Variants in ROBO2 observed in about 807,000 individuals in gnomAD.
ROBO2 encodes the protein roundabout guidance receptor 2, also known as roundabout homolog 2.
A neutral mutation model predicts 160.8 loss-of-function variants in ROBO2; 53 were observed. That is an observed-to-expected ratio of 0.33 (90% CI 0.26 to 0.41). The LOEUF is 0.41. Ranked by LOEUF, ROBO2 falls within the 10% of genes least tolerant of loss-of-function variation. The pLI is 1.00. For missense variants in ROBO2, 1,577 were observed against 1,722.4 expected, an observed-to-expected ratio of 0.92 and a Z score of 1.49; for synonymous variants, 664 against 611.7, an observed-to-expected ratio of 1.09 and a Z score of -1.26.
At position 76,226,765 on chromosome 3, in the gene ROBO2, C is replaced by T. The variant is rs1176501760; in HGVS notation, c.109+289163C>T. On this transcript the variant is annotated intron_variant, in intron 2 of 26. Transcript: ENST00000487694. ...GTGAACAAACCACTTGCCCTAGGCC[C>T]TAATAACTTTGAAAAGCAATCTGAG... Among the ~76,000 whole-genome samples the T allele has an allele frequency of 2.0e-5, 3 of 152,176 alleles. No homozygotes were observed. In the East Asian group the frequency reaches 5.8e-4, roughly 29 times the overall value.
At chr3:76,302,689 T>C (rs528490419) in intron 2 of ROBO2, among the ~76,000 whole-genome samples, 3 of 152,098 alleles carry the variant, frequency 2.0e-5, no homozygotes, top group Non-Finnish European at 4.4e-5. Flanking sequence ...GGTGTACAGA[T>C]TTGTAACCTA....
intron 2 of ROBO2, among the ~76,000 whole-genome samples, chr3:76,489,274 T>C (rs1004110573): frequency 3.3e-5 from 5 of 151,836 alleles, no homozygotes; most frequent in African/African-American, 1.2e-4. Context: ...ACTCTGTTCA[T>C]TGCTGAAATG....
At chr3:76,648,690 A>G (rs1011785941) in intron 2 of ROBO2, among the ~76,000 whole-genome samples, 2 of 152,132 alleles carry the variant, frequency 1.3e-5, no homozygotes, top group African/African-American at 4.8e-5. Flanking sequence ...TCAGGTATCA[A>G]TGATTGACGA....
intron 2 of ROBO2, among the ~76,000 whole-genome samples, chr3:76,748,397 A>G (rs1286088571): frequency 6.6e-6 from 1 of 151,732 alleles, no homozygotes; most frequent in Non-Finnish European, 1.5e-5. Context: ...TAAAAATCAC[A>G]AAAAATATGA....
intron 2 of ROBO2, among the ~76,000 whole-genome samples, chr3:76,662,380 G>A (rs565319186): frequency 1.3e-5 from 2 of 151,940 alleles, no homozygotes; most frequent in Admixed American, 6.6e-5. Flanking sequence ...TATTTATGGG[G>A]TACATATGAT....
At chr3:77,332,513 T>TA (rs2066074942) in intron 2 of ROBO2, among the ~76,000 whole-genome samples, 1 of 152,230 alleles carries the variant, frequency 6.6e-6, no homozygotes, top group Admixed American at 6.5e-5. Context: ...AACTCATAGT[T>TA]ATGTATGTAA....
At chr3:76,058,891 C>T (rs2067961094) in intron 2 of ROBO2, among the ~76,000 whole-genome samples, 1 of 145,970 alleles carries the variant, frequency 6.9e-6, no homozygotes, top group Admixed American at 7.1e-5. Flanking sequence ...TGAGTGAGAA[C>T]ATGTGGTGTT....
intron 2 of ROBO2, among the ~76,000 whole-genome samples, chr3:76,103,652 A>G (rs149582627): frequency 6.6e-6 from 1 of 152,230 alleles, no homozygotes; most frequent in Non-Finnish European, 1.5e-5. Context: ...TGGGAAGCTT[A>G]GGAGAAAGGG....
At chr3:76,180,003 C>T (rs924551590) in intron 2 of ROBO2, among the ~76,000 whole-genome samples, 1 of 152,072 alleles carries the variant, frequency 6.6e-6, no homozygotes, top group East Asian at 1.9e-4. Flanking sequence ...TTCGTCCGTG[C>T]CATTGCTTCT....
At chr3:76,330,035 AT>A (rs1477389139) in intron 2 of ROBO2, among the ~76,000 whole-genome samples, 1 of 152,194 alleles carries the variant, frequency 6.6e-6, no homozygotes, top group Non-Finnish European at 1.5e-5. Context: ...TTGTGTGAAC[AT>A]TTTACTGTAT....
chr3:76,835,301 C>T (rs1486976798), intron 2 of ROBO2, among the ~76,000 whole-genome samples: 1 of 150,324 alleles, frequency 6.7e-6, no homozygotes, highest in African/African-American at 2.4e-5. Flanking sequence ...TTTTATATGA[C>T]ACATACAATG....
At chr3:77,161,616 C>A (rs2078494811) in intron 2 of ROBO2, among the ~76,000 whole-genome samples, 2 of 152,042 alleles carry the variant, frequency 1.3e-5, no homozygotes, top group South Asian at 4.1e-4. Flanking sequence ...TGAAATATAG[C>A]CCAGAGATAT....
chr3:77,404,246 A>G (rs1479604448), intron 2 of ROBO2, among the ~76,000 whole-genome samples: 1 of 152,122 alleles, frequency 6.6e-6, no homozygotes, highest in Non-Finnish European at 1.5e-5. Flanking sequence ...CCCTCTATAT[A>G]AACATTAAGT....
chr3:76,146,712 G>T (rs865876762), intron 2 of ROBO2, among the ~76,000 whole-genome samples: 19 of 149,830 alleles, frequency 1.3e-4, no homozygotes, highest in Admixed American at 6.0e-4. Context: ...GTGTGTGTGT[G>T]TGTGTGTGTG....
intron 2 of ROBO2, among the ~76,000 whole-genome samples, chr3:76,259,050 AT>A (rs1281836869): frequency 2.6e-5 from 4 of 152,112 alleles, no homozygotes; most frequent in Non-Finnish European, 5.9e-5. Flanking sequence ...ACTGAGTATT[AT>A]TTTTGTAAAA....
intron 2 of ROBO2, among the ~76,000 whole-genome samples, chr3:77,128,804 C>T (rs2075585561): frequency 1.3e-5 from 2 of 152,124 alleles, no homozygotes; most frequent in African/African-American, 4.8e-5. Context: ...TTGTGCTCAA[C>T]CTTGGTTATT....
intron 7 of ROBO2, 68 bp from the exon 9 acceptor site, chr3:77,550,750 T>C: frequency 6.7e-7 from 1 of 1,495,582 alleles, no homozygotes; most frequent in South Asian, 1.1e-5. Context: ...TTAATTGTAG[T>C]AGCTTTTATT....
chr3:77,632,537 C>T lies in ROBO2; in HGVS notation c.3761-2333C>T, dbSNP rs945716850. 28 of 1,535,618 alleles carry T rather than the reference C, an allele frequency of 1.8e-5. No homozygotes were observed. The highest frequency in any genetic ancestry group is 2.4e-5 in the Non-Finnish European group (27 of 1,146,652). ...GATCGTAACTTTTCTAGTCATAGAT[C>T]TAGTGTAGGTAGCTCCTCAGATGGC... On this transcript the variant is annotated intron_variant, in intron 23 of 25. Coordinates refer to ENST00000461745, the Ensembl canonical transcript of ROBO2.
intron 2 of ROBO2, among the ~76,000 whole-genome samples, chr3:77,304,900 G>C (rs370747511): frequency 9.9e-5 from 15 of 152,260 alleles, no homozygotes; most frequent in African/African-American, 3.6e-4. Flanking sequence ...CTGTAGTTTT[G>C]ATAAATGCAT....
Sources: gnomAD v4.1 joint callset for allele counts (sites outside exome capture counted in the v4.1 genomes callset) on GRCh38, gnomAD v4.1.1 for gene constraint, MANE v1.5 for transcripts, NCBI Gene and HGNC (gene_info 2026-07-23, HGNC 2026-07-21) for gene names.